Variants in CFAP100 observed in about 807,000 individuals in gnomAD.
CFAP100 encodes the protein cilia- and flagella-associated protein 100.
CFAP100 carries 70 observed loss-of-function variants against 81.5 expected under a neutral mutation model. The ratio of observed to expected loss-of-function variants is 0.86; its 90% CI spans 0.71 to 1.05. CFAP100 has a LOEUF of 1.05. CFAP100 is among the 50% of genes least tolerant of loss of function. The probability of loss-of-function intolerance (pLI) is 0.00; values close to 1 mark genes in which losing one functional copy is unlikely to be tolerated. For missense variants in CFAP100, 811 were observed against 776.5 expected (o/e 1.04, Z -0.53); for synonymous variants, 341 against 314.8 (o/e 1.08, Z -0.88).
chr3:126,416,519 T>TC lies in CFAP100; in HGVS notation c.418+13dup. On this transcript the variant is annotated intron_variant, in intron 5 of 16. Coordinates refer to ENST00000352312, the MANE Select transcript of CFAP100 (RefSeq NM_182628.3). ...TCACCTTGACCAAAGGTGCGTCCCC[T>TC]CCGGCGCGGGGGGACCTGGGCCAGT... The TC allele has an allele frequency of 6.4e-7, 1 of 1,555,478 alleles. No individual in the cohort carries two copies. The highest frequency in any genetic ancestry group is 8.7e-7 in the Non-Finnish European group (1 of 1,148,692).
At position 126,423,314 on chromosome 3, in the gene CFAP100, T is replaced by A; in HGVS notation, c.1083-11T>A. The A allele has an allele frequency of 6.2e-7, 1 of 1,611,620 alleles. No individual in the cohort carries two copies. The highest frequency in any genetic ancestry group is 1.1e-5 in the South Asian group (1 of 90,686). On this transcript the variant is annotated splice_polypyrimidine_tract_variant and intron_variant, in intron 11 of 16. Coordinates refer to ENST00000352312, the MANE Select transcript of CFAP100 (RefSeq NM_182628.3). ...TGGTCCCAGAGTCCCGACCCTGCCA[T>A]CTCTTCGCAGGTCGAACTCTCCCAT...
chr3:126,430,632 T>C (rs984349700), intron 13 of CFAP100, among the ~76,000 whole-genome samples: 1 of 152,038 alleles, frequency 6.6e-6, no homozygotes, highest in Non-Finnish European at 1.5e-5. Flanking sequence ...GCCCTTTTGC[T>C]CCTCTAGCTG....
intron 2 of CFAP100, among the ~76,000 whole-genome samples, chr3:126,400,589 T>TA (rs1479145427): frequency 6.6e-6 from 1 of 151,950 alleles, no homozygotes; most frequent in Non-Finnish European, 1.5e-5. Context: ...CTGTCTCTAC[T>TA]AAAAATACAA....
Position 126,414,179 on chromosome 3 carries a change from C to T in CFAP100, c.225C>T (p.Ser75=), listed in dbSNP as rs766212116. 77 of 1,610,218 alleles carry T rather than the reference C, an allele frequency of 4.8e-5. No individual in the cohort carries two copies. In the East Asian group the frequency reaches 1.3e-3, roughly 27 times the overall value. Residue 75 remains serine (S), a splice_region_variant and synonymous_variant, in exon 4 of 17, where the codon TCC becomes TCT. Coordinates refer to ENST00000352312, the MANE Select transcript of CFAP100 (RefSeq NM_182628.3). ...LRDQERNKAL[S]ERQQQKTMRV... is the part of the protein sequence containing the mutation. ...ATCAGGAGCGGAATAAGGCTCTCTC[C>T]GTGAGTATCCAGGACAGACGCCAGC...
chr3:126,429,379 T>C (rs1007194970), intron 13 of CFAP100, among the ~76,000 whole-genome samples: 1 of 152,172 alleles, frequency 6.6e-6, no homozygotes, highest in Non-Finnish European at 1.5e-5. Flanking sequence ...TGTGCATCAA[T>C]TGTAATGTCT....
intron 11 of CFAP100, chr3:126,420,970 A>G (rs1432806394): frequency 6.6e-6 from 1 of 152,190 alleles, no homozygotes; most frequent in Admixed American, 6.5e-5. Context: ...TGGTACACGT[A>G]TCTTCTTCCA....
At chr3:126,425,374 A>G (rs1382666129) in intron 13 of CFAP100, among the ~76,000 whole-genome samples, 1 of 152,256 alleles carries the variant, frequency 6.6e-6, no homozygotes, top group Non-Finnish European at 1.5e-5. Context: ...AAACAAATAG[A>G]CAATCATAAT....
At position 126,419,744 on chromosome 3, in the gene CFAP100, C is replaced by A; in HGVS notation, c.839C>A (p.Ser280Ter). ...CTTGAAGAACAGGAAAAGAAACACT[C>A]GTTTCTCAAAAAGGCCAAGGAGGTC... ...EWLEEQEKKH[S>*]FLKKAKEVSE... The change falls in exon 9 of 17, where the codon TCG (serine) becomes TAG (stop). Residue 280 changes from serine to a stop codon, truncating the protein, a stop_gained. Transcript: ENST00000352312. LOFTEE classifies it high-confidence loss of function. 1 of 1,614,008 alleles carries A rather than the reference C, an allele frequency of 6.2e-7. No individual in the cohort carries two copies. The highest frequency in any genetic ancestry group is 8.5e-7 in the Non-Finnish European group (1 of 1,179,994).
chr3:126,424,187 C>T (rs1316181073), intron 13 of CFAP100, among the ~76,000 whole-genome samples: 7 of 152,146 alleles, frequency 4.6e-5, no homozygotes, highest in South Asian at 2.1e-4. Flanking sequence ...ATAACGGGGA[C>T]GGGAGTGGGT....
chr3:126,432,126 A>G (rs1003726344), intron 13 of CFAP100, among the ~76,000 whole-genome samples: 2 of 151,858 alleles, frequency 1.3e-5, no homozygotes, highest in Non-Finnish European at 2.9e-5. Context: ...TGAAAATACA[A>G]AAATTAGCCG....
chr3:126,416,171 C>G lies in CFAP100; in HGVS notation c.226-145C>G, dbSNP rs189050546. Reference sequence around the variant, plus strand: ...GCCTCCCCAACAGCTGCCCTGCCTGCTTGGCTCTCAGCCCGGGACAGCAGT... The same window carrying G: ...GCCTCCCCAACAGCTGCCCTGCCTGGTTGGCTCTCAGCCCGGGACAGCAGT... On this transcript the variant is annotated intron_variant, in intron 4 of 16. Transcript: ENST00000352312. The G allele has an allele frequency of 6.7e-3, 4,306 of 642,562 alleles. 40 individuals carry two copies. The highest frequency in any genetic ancestry group is 7.8e-3 in the Non-Finnish European group (3,050 of 391,616). The allele number at this position is 642,562 out of a possible 1,614,324, so 39.8% of individuals were successfully genotyped here. A position where few individuals can be genotyped will look rare whatever the true frequency, so the allele number is the denominator to read the frequency against.
chr3:126,420,348 T>C, intron 11 of CFAP100, 119 bp downstream of exon 11: 4 of 1,397,892 alleles, frequency 2.9e-6, no homozygotes, highest in Non-Finnish European at 3.8e-6. Flanking sequence ...TCACAGTCCC[T>C]ACTCCAAGAA....
intron 3 of CFAP100, 121 bp downstream of exon 3, chr3:126,407,373 C>A: frequency 1.7e-6 from 1 of 590,314 alleles, no homozygotes; most frequent in Non-Finnish European, 3.0e-6. Flanking sequence ...GTTTCTCTTT[C>A]CATTAGGAAT....
intron 3 of CFAP100, among the ~76,000 whole-genome samples, chr3:126,412,945 G>A (rs2083180534): frequency 6.6e-6 from 1 of 152,224 alleles, no homozygotes; most frequent in Admixed American, 6.5e-5. Context: ...GGCAAGTGCT[G>A]GATGCTTGCT....
At chr3:126,429,701 T>TC (rs952861629) in intron 13 of CFAP100, among the ~76,000 whole-genome samples, 23 of 152,198 alleles carry the variant, frequency 1.5e-4, no homozygotes, top group African/African-American at 5.5e-4. Flanking sequence ...CAAATTTACT[T>TC]CAATTGCATA....
At chr3:126,431,942 T>C (rs1933247142) in intron 13 of CFAP100, among the ~76,000 whole-genome samples, 1 of 152,180 alleles carries the variant, frequency 6.6e-6, no homozygotes, top group Non-Finnish European at 1.5e-5. Context: ...GGACCAACTC[T>C]GAGCAGCATG....
chr3:126,434,684 C>G (rs1933376597), intron 15 of CFAP100: 1 of 338,414 alleles, frequency 3.0e-6, no homozygotes, highest in African/African-American at 2.1e-5. Flanking sequence ...GCACGGTCAG[C>G]CTCAAATACA....
intron 4 of CFAP100, among the ~76,000 whole-genome samples, chr3:126,416,039 T>C (rs2083230881): frequency 6.6e-6 from 1 of 152,166 alleles, no homozygotes; most frequent in Non-Finnish European, 1.5e-5. Context: ...TGAGACATCA[T>C]CTTTTCGGGT....
rs201731331 is a variant in CFAP100 at position 126,423,348 on chromosome 3, C to G, written c.1106C>G (p.Thr369Arg). ...SRGSNSPIPP[T>R]QEDTDSDGEE... The stretch of plus-strand genomic sequence containing the variant: ...AGGTCGAACTCTCCCATCCCCCCCA[C>G]GCAGGAGGACACCGACAGCGATGGG... The change falls in exon 12 of 17, where the codon ACG becomes AGG. Residue 369 changes from threonine (T) to arginine (R), a missense_variant. Transcript: ENST00000352312. 1.2e-6 allele frequency: 2 copies of G among 1,613,602 alleles called. No individual in the cohort carries two copies. The highest frequency in any genetic ancestry group is 1.3e-5 in the African/African-American group (1 of 75,024).
Sources: allele counts gnomAD v4.1 joint callset (sites outside exome capture counted in the v4.1 genomes callset), GRCh38; gene constraint gnomAD v4.1.1; transcripts MANE v1.5; gene names NCBI Gene and HGNC (gene_info 2026-07-23, HGNC 2026-07-21).